The following NCKAP5 variants were observed in gnomAD, a reference collection of about 807,000 sequenced individuals.
NCKAP5 encodes the protein NCK associated protein 5.
Under a neutral mutation model 167.0 loss-of-function variants are expected in NCKAP5, and 92 were observed. The ratio of observed to expected loss-of-function variants is 0.55; its 90% CI spans 0.47 to 0.66. The LOEUF (loss-of-function observed/expected upper bound fraction) is 0.66. Ranked by LOEUF, NCKAP5 falls within the 30% of genes least tolerant of loss-of-function variation. The pLI is 0.00. For missense variants in NCKAP5, 2,378 were observed against 2,315.0 expected (o/e 1.03, Z -0.56); for synonymous variants, 891 against 877.4 (o/e 1.02, Z -0.27).
At chr2:133,361,906 ATTTAT>A (rs1685129246) in intron 3 of NCKAP5, among the ~76,000 whole-genome samples, 1 of 152,218 alleles carries the variant, frequency 6.6e-6, no homozygotes, top group Non-Finnish European at 1.5e-5. Flanking sequence ...GAATTTATAA[ATTTAT>A]TTTGATTCTG....
chr2:133,457,950 T>C (rs1219346322), intron 3 of NCKAP5, among the ~76,000 whole-genome samples: 2 of 152,178 alleles, frequency 1.3e-5, no homozygotes, highest in African/African-American at 2.4e-5. Context: ...GTACGCCCTT[T>C]CCCACCACTT....
intron 8 of NCKAP5, among the ~76,000 whole-genome samples, chr2:132,957,692 A>C (rs935337255): frequency 6.6e-6 from 1 of 152,192 alleles, no homozygotes; most frequent in African/African-American, 2.4e-5. Context: ...AACCTAAAAA[A>C]TATTACTCTA....
intron 5 of NCKAP5, among the ~76,000 whole-genome samples, chr2:133,191,383 G>C (rs1247599066): frequency 6.6e-6 from 1 of 152,168 alleles, no homozygotes; most frequent in East Asian, 1.9e-4. Context: ...CAAGGATCTA[G>C]AACTAGAAAC....
chr2:133,169,584 C>A lies in NCKAP5; in HGVS notation c.208-39473G>T, dbSNP rs1023827819. ...TAAGCATTCAGACTCCACTTGCTGC[C>A]TGCAGGGACTTCTGAGGAGAGTTTA... On this transcript the variant is annotated intron_variant, in intron 5 of 19. Coordinates refer to ENST00000409261, the MANE Select transcript of NCKAP5 (RefSeq NM_207363.3). 3.3e-5 allele frequency among the ~76,000 whole-genome samples: 5 copies of A among 152,300 alleles called. No individual in the cohort carries two copies. In the South Asian group the frequency reaches 1.0e-3, roughly 32 times the overall value.
intron 8 of NCKAP5, among the ~76,000 whole-genome samples, chr2:132,953,647 GCAGA>G (rs1033080212): frequency 2.5e-4 from 38 of 151,502 alleles, no homozygotes; most frequent in Admixed American, 2.6e-4. Flanking sequence ...AGACAGACAG[GCAGA>G]CAGAGAGAGA....
chr2:132,673,269 C>T lies in NCKAP5; in HGVS notation c.*20G>A, dbSNP rs113062166. 5.4e-3 allele frequency: 8,225 copies of T among 1,512,418 alleles called. 395 individuals are homozygous for T. The African/African-American group carries it at 0.1, about 19-fold the overall frequency. 93.7% of individuals were successfully genotyped at this position (1,512,418 alleles called of 1,614,324 possible). A position where few individuals can be genotyped will look rare whatever the true frequency, so the allele number is the denominator to read the frequency against. On this transcript the variant is annotated 3_prime_UTR_variant, in exon 20 of 20. Coordinates refer to ENST00000409261, the MANE Select transcript of NCKAP5 (RefSeq NM_207363.3). ...AGGGAAATTTTCGATAATCTATTCT[C>T]GGGATCGTCTTTTGTTTCTTCAAGT...
intron 7 of NCKAP5, among the ~76,000 whole-genome samples, chr2:132,969,196 C>G (rs1470252484): frequency 6.6e-6 from 1 of 152,112 alleles, no homozygotes; most frequent in East Asian, 1.9e-4. Context: ...TGCCACCACA[C>G]CAGGCTGATT....
chr2:133,609,749 G>T, the NCKAP5 span, among the ~76,000 whole-genome samples: 2 of 152,096 alleles, frequency 1.3e-5, no homozygotes, highest in South Asian at 4.1e-4. Context: ...AGCTTGCCAA[G>T]ATAAAGAATA....
rs116539428 is a variant in NCKAP5, at chr2:133,497,669, C to T, written c.69+19789G>A. On this transcript the variant is annotated intron_variant, in intron 3 of 19. Coordinates refer to ENST00000409261, the MANE Select transcript of NCKAP5 (RefSeq NM_207363.3). Reference sequence around the variant, plus strand: ...GCTGCTTCAAACAGAAGCGGATCTGCTGCCTGCTGCTTCCAAGCACAGAAA... The same window carrying T: ...GCTGCTTCAAACAGAAGCGGATCTGTTGCCTGCTGCTTCCAAGCACAGAAA... Among the ~76,000 whole-genome samples the T allele has an allele frequency of 4.3e-3, 649 of 152,340 alleles. 3 individuals carry two copies. Among genetic ancestry groups the T allele is most frequent in the Non-Finnish European group, 7.7e-3 (525 of 68,020 alleles).
At chr2:133,637,979 G>T in the NCKAP5 span, among the ~76,000 whole-genome samples, 1 of 152,042 alleles carries the variant, frequency 6.6e-6, no homozygotes, top group Admixed American at 6.5e-5. Context: ...CAAAAGGAAA[G>T]CACCTTCAAA....
At chr2:132,937,247 G>C (rs1696924027) in intron 8 of NCKAP5, among the ~76,000 whole-genome samples, 1 of 152,188 alleles carries the variant, frequency 6.6e-6, no homozygotes, top group Non-Finnish European at 1.5e-5. Context: ...GTAGGCATGG[G>C]CATGGTAAAG....
chr2:133,072,911 G>A (rs1182491885), intron 6 of NCKAP5, among the ~76,000 whole-genome samples: 2 of 152,058 alleles, frequency 1.3e-5, no homozygotes, highest in Admixed American at 6.5e-5. Flanking sequence ...CCATGGCTCC[G>A]AATTCTAAAG....
At position 132,729,108 on chromosome 2, in the gene NCKAP5, C is replaced by T. The variant is rs77050299; in HGVS notation, c.5444-156G>A. Among the ~76,000 whole-genome samples the T allele has an allele frequency of 5.9e-5, 9 of 152,304 alleles. No homozygotes were observed. In the East Asian group the frequency reaches 1.7e-3, roughly 29 times the overall value. ...CCACTCTGTCCCACTGTAGTCTGTG[C>T]TGCCCAAAACATCTGCTTAATTATG... is the stretch of plus-strand genomic sequence containing the variant. On this transcript the variant is annotated intron_variant, in intron 17 of 19. Transcript: ENST00000409261.
chr2:133,446,885 C>T (rs1691228705), intron 3 of NCKAP5, among the ~76,000 whole-genome samples: 1 of 151,918 alleles, frequency 6.6e-6, no homozygotes, highest in Non-Finnish European at 1.5e-5. Flanking sequence ...GCTTGAAGTG[C>T]CCATATTTAG....
chr2:133,222,839 T>C (rs1324053919), intron 4 of NCKAP5, among the ~76,000 whole-genome samples: 1 of 152,210 alleles, frequency 6.6e-6, no homozygotes, highest in Non-Finnish European at 1.5e-5. Context: ...TGAATATATA[T>C]TTAGCTATAA....
At chr2:133,189,499 CA>C (rs1202610297) in intron 5 of NCKAP5, among the ~76,000 whole-genome samples, 1 of 152,084 alleles carries the variant, frequency 6.6e-6, no homozygotes, top group African/African-American at 2.4e-5. Flanking sequence ...AATTTTAGAC[CA>C]ATATCCCTGA....
At chr2:133,407,646 A>C (rs751529687) in intron 3 of NCKAP5, among the ~76,000 whole-genome samples, 1 of 152,168 alleles carries the variant, frequency 6.6e-6, no homozygotes, top group Non-Finnish European at 1.5e-5. Flanking sequence ...GCTGGTTTGA[A>C]ATCTGTGTCT....
In NCKAP5 at chr2:133,098,714, G is replaced by A. The variant is rs574600416; in HGVS notation, c.341+31264C>T. ...ACAGCCATGTAATTAAAGATAGTTG[G>A]CCATAATTAAAATATTCATAACAAT... On this transcript the variant is annotated intron_variant, in intron 6 of 19. Transcript: ENST00000409261. 5.9e-5 allele frequency among the ~76,000 whole-genome samples: 9 copies of A among 152,208 alleles called. No homozygotes were observed. In the South Asian group the frequency reaches 1.7e-3, roughly 28 times the overall value.
At chr2:132,860,750 T>TA in intron 10 of NCKAP5, 139 bp from the exon 11 acceptor site, 1 of 1,144,432 alleles carries the variant, frequency 8.7e-7, no homozygotes, top group South Asian at 1.8e-5. Context: ...GTAAATCACA[T>TA]ACGTTTTCGT....
Sources: allele counts gnomAD v4.1 joint callset (sites outside exome capture counted in the v4.1 genomes callset), GRCh38; gene constraint gnomAD v4.1.1; transcripts MANE v1.5; gene names NCBI Gene and HGNC (gene_info 2026-07-23, HGNC 2026-07-21).